The following UBQLN1 variants were observed in gnomAD, a reference collection of about 807,000 sequenced individuals.
The protein encoded by UBQLN1 is ubiquilin 1.
Under a neutral mutation model 65.4 loss-of-function variants are expected in UBQLN1, and 13 were observed. That is an observed-to-expected ratio of 0.20 (90% CI 0.13 to 0.32). The LOEUF is 0.32. Among genes scored for constraint, UBQLN1 ranks in the 10% least tolerant of loss-of-function variants. The probability of loss-of-function intolerance (pLI) is 1.00; values close to 1 mark genes in which losing one functional copy is unlikely to be tolerated. For missense variants in UBQLN1, 561 were observed against 724.0 expected (o/e 0.77, Z 2.58); for synonymous variants, 267 against 247.8 (o/e 1.08, Z -0.73).
chr9:83,669,850 T>C (rs561297293), intron 6 of UBQLN1, among the ~76,000 whole-genome samples: 2 of 152,256 alleles, frequency 1.3e-5, no homozygotes, highest in South Asian at 2.1e-4. Context: ...TTTGAAACCA[T>C]AGAGCACAGT....
intron 6 of UBQLN1, among the ~76,000 whole-genome samples, chr9:83,671,471 T>C (rs958703267): frequency 1.3e-5 from 2 of 152,118 alleles, no homozygotes; most frequent in African/African-American, 4.8e-5. Context: ...GCAGAATGAA[T>C]GCTGTGTTAG....
rs1316890841 is a variant in UBQLN1, at chr9:83,679,632, C to CT, written c.711+142dup. The CT allele has an allele frequency of 3.5e-6, 3 of 846,144 alleles. No individual in the cohort carries two copies. In the African/African-American group the frequency reaches 5.1e-5, roughly 14 times the overall value. The allele number at this position is 846,144 out of a possible 1,614,324, so 52.4% of individuals were successfully genotyped here. A position where few individuals can be genotyped will look rare whatever the true frequency, so the allele number is the denominator to read the frequency against. ...CAGAGTTCAAACAGCCAAATTAGCG[C>CT]TTTGTTGAGTTTTCTTAAACCAAGA... On this transcript the variant is annotated intron_variant, in intron 4 of 10. Coordinates refer to ENST00000376395, the MANE Select transcript of UBQLN1 (RefSeq NM_013438.5).
intron 6 of UBQLN1, among the ~76,000 whole-genome samples, chr9:83,671,603 AC>A (rs1357591886): frequency 6.6e-6 from 1 of 152,116 alleles, no homozygotes; most frequent in African/African-American, 2.4e-5. Flanking sequence ...GCAACGTCTC[AC>A]CAGTAGACTT....
Position 83,679,976 on chromosome 9 carries a change from T to C in UBQLN1, c.510A>G (p.Glu170=). 1 of 1,614,172 alleles carries C rather than the reference T, an allele frequency of 6.2e-7. No individual in the cohort carries two copies. The highest frequency in any genetic ancestry group is 2.2e-5 in the East Asian group (1 of 44,874). The change falls in exon 4 of 11, where the codon GAA becomes GAG. Residue 170 remains glutamate, a synonymous_variant. Transcript: ENST00000376395. The part of the protein sequence containing the change: ...SLGLNTTNFS[E]LQSQMQRQLL... ...GTTGTCGCTGCATCTGACTCTGTAG[T>C]TCAGAGAAGTTGGTAGTATTCAAAC...
At chr9:83,694,167 T>C (rs76468130) in intron 1 of UBQLN1, among the ~76,000 whole-genome samples, 5,986 of 152,256 alleles carry the variant, frequency 0.039, 401 homozygotes, top group African/African-American at 0.14. Flanking sequence ...GGAATCAACC[T>C]ATCCAAAAGT....
intron 2 of UBQLN1, among the ~76,000 whole-genome samples, chr9:83,684,486 C>T (rs1048563450): frequency 2.6e-5 from 4 of 151,850 alleles, no homozygotes; most frequent in East Asian, 4.0e-4. Context: ...TGAGCCACCG[C>T]GCCTGGCCTG....
chr9:83,692,627 C>T (rs772557473), intron 1 of UBQLN1, among the ~76,000 whole-genome samples: 2 of 152,110 alleles, frequency 1.3e-5, no homozygotes, highest in Non-Finnish European at 2.9e-5. Context: ...CCGAGGCAGG[C>T]GGATCACCTG....
chr9:83,677,650 G>C, intron 6 of UBQLN1, 77 bp downstream of exon 6: 1 of 1,029,346 alleles, frequency 9.7e-7, no homozygotes, highest in South Asian at 1.6e-5. Flanking sequence ...AAAGCACAAA[G>C]AATAAGAGTA....
At chr9:83,696,645 GA>G (rs11312351) in intron 1 of UBQLN1, among the ~76,000 whole-genome samples, 114,685 of 147,682 alleles carry the variant, frequency 0.78, 44,441 homozygotes, top group East Asian at 0.89. Flanking sequence ...TCTAAAAAAG[GA>G]AAAAAAAAAA....
At chr9:83,681,832 C>G (rs1831945143) in intron 3 of UBQLN1, among the ~76,000 whole-genome samples, 2 of 152,178 alleles carry the variant, frequency 1.3e-5, no homozygotes, top group African/African-American at 4.8e-5. Context: ...ACTTAAAACC[C>G]TGTAGCTGTC....
chr9:83,666,446 T>C lies in UBQLN1; in HGVS notation c.1249-13A>G. ...TATTCAGCATCATCTATGGGGCAAG[T>C]GTTCAAACAATTTTAACTGGAAATA... On this transcript the variant is annotated splice_polypyrimidine_tract_variant and intron_variant, in intron 7 of 10. Coordinates refer to ENST00000376395, the MANE Select transcript of UBQLN1 (RefSeq NM_013438.5). The C allele has an allele frequency of 6.2e-7, 1 of 1,612,806 alleles. No individual in the cohort carries two copies. Among genetic ancestry groups the C allele is most frequent in the African/African-American group, 1.3e-5 (1 of 75,018 alleles).
intron 3 of UBQLN1, among the ~76,000 whole-genome samples, chr9:83,682,626 A>G (rs1288527995): frequency 6.6e-6 from 1 of 152,178 alleles, no homozygotes; most frequent in Non-Finnish European, 1.5e-5. Flanking sequence ...CCTTTTACAA[A>G]TGAAAAAATT....
At chr9:83,705,793 C>A (rs1223187154) in intron 1 of UBQLN1, among the ~76,000 whole-genome samples, 1 of 152,080 alleles carries the variant, frequency 6.6e-6, no homozygotes, top group African/African-American at 2.4e-5. Context: ...ACTACTGATA[C>A]ACGCAACAAA....
intron 3 of UBQLN1, among the ~76,000 whole-genome samples, chr9:83,681,317 C>A (rs915108117): frequency 6.6e-6 from 1 of 152,186 alleles, no homozygotes; most frequent in African/African-American, 2.4e-5. Context: ...ACTTACTGAG[C>A]ACTTTTTATA....
At chr9:83,664,744 TAAC>T (rs892936334) in intron 9 of UBQLN1, among the ~76,000 whole-genome samples, 7 of 150,920 alleles carry the variant, frequency 4.6e-5, no homozygotes, top group Middle Eastern at 3.4e-3. Flanking sequence ...CTAAAAACAG[TAAC>T]AACAACAAAT....
At chr9:83,682,611 C>T (rs1177249651) in intron 3 of UBQLN1, among the ~76,000 whole-genome samples, 2 of 152,160 alleles carry the variant, frequency 1.3e-5, no homozygotes, top group Non-Finnish European at 1.5e-5. Context: ...GCAGTCTGAT[C>T]CCTTCCTTTT....
intron 1 of UBQLN1, among the ~76,000 whole-genome samples, chr9:83,695,125 A>C (rs1244331695): frequency 6.6e-6 from 1 of 152,014 alleles, no homozygotes; most frequent in Non-Finnish European, 1.5e-5. Flanking sequence ...TGAACATATA[A>C]ATACCTTTCT....
Position 83,707,707 on chromosome 9 carries a change from T to TCAGGCAAGCAGGAGGGAG in UBQLN1, c.-46_-29dup, listed in dbSNP as rs778295044. Reference sequence around the variant, plus strand: ...CTGTGGCGGCGGCGGCGGCGGTGACTCAGGCAAGCAGGAGGGAGCAGGCGA... The same window carrying TCAGGCAAGCAGGAGGGAG: ...CTGTGGCGGCGGCGGCGGCGGTGACTCAGGCAAGCAGGAGGGAGCAGGCAAGCAGGAGGGAGCAGGCGA... On this transcript the variant is annotated 5_prime_UTR_variant, in exon 1 of 11. Transcript: ENST00000376395. The TCAGGCAAGCAGGAGGGAG allele has an allele frequency of 3.3e-6, 5 of 1,523,120 alleles. No individual in the cohort carries two copies. The South Asian group carries it at 6.0e-5, about 18-fold the overall frequency. 94.4% of individuals were successfully genotyped at this position (1,523,120 alleles called of 1,614,324 possible). A position where few individuals can be genotyped will look rare whatever the true frequency, so the allele number is the denominator to read the frequency against.
chr9:83,693,987 T>C (rs2131179168), intron 1 of UBQLN1, among the ~76,000 whole-genome samples: 1 of 152,210 alleles, frequency 6.6e-6, no homozygotes, highest in East Asian at 1.9e-4. Flanking sequence ...CAAATATTGC[T>C]AATCTAATTA....
Sources: allele counts gnomAD v4.1 joint callset (sites outside exome capture counted in the v4.1 genomes callset), GRCh38; gene constraint gnomAD v4.1.1; transcripts MANE v1.5; gene names NCBI Gene and HGNC (gene_info 2026-07-23, HGNC 2026-07-21).